SV2C: variants seen among roughly 807,000 people sequenced by gnomAD.
The protein encoded by SV2C is solute carrier family 22 member B3.
Under a neutral mutation model 79.7 loss-of-function variants are expected in SV2C, and 49 were observed. The ratio of observed to expected loss-of-function variants is 0.61; its 90% CI spans 0.49 to 0.78. The LOEUF (loss-of-function observed/expected upper bound fraction) is 0.78. Among genes scored for constraint, SV2C ranks in the 30% least tolerant of loss-of-function variants. The pLI is 0.00. For missense variants in SV2C, 833 were observed against 912.9 expected, an observed-to-expected ratio of 0.91 and a Z score of 1.13; for synonymous variants, 334 against 333.2, an observed-to-expected ratio of 1.00 and a Z score of -0.03.
the SV2C span, among the ~76,000 whole-genome samples, chr5:76,013,105 A>G: frequency 2.0e-5 from 3 of 152,192 alleles, no homozygotes; most frequent in Non-Finnish European, 4.4e-5. Flanking sequence ...TTTTGGTTCC[A>G]TATGAAATGT....
At chr5:75,907,547 A>T in the SV2C span, among the ~76,000 whole-genome samples, 1 of 152,180 alleles carries the variant, frequency 6.6e-6, no homozygotes, top group African/African-American at 2.4e-5. Context: ...AGAAGAGCCC[A>T]TGAGAGAGAG....
intron 7 of SV2C, 94 bp from the exon 8 acceptor site, chr5:76,291,674 C>A: frequency 2.4e-6 from 2 of 829,656 alleles, no homozygotes; most frequent in Non-Finnish European, 3.8e-6. Flanking sequence ...AACCCAATGA[C>A]AACTCAGCAT....
At chr5:75,848,895 C>T in the SV2C span, among the ~76,000 whole-genome samples, 1 of 152,180 alleles carries the variant, frequency 6.6e-6, no homozygotes, top group Non-Finnish European at 1.5e-5. Context: ...ATCTGACTTT[C>T]CTTATCTGCA....
chr5:75,944,691 C>T, the SV2C span, among the ~76,000 whole-genome samples: 1 of 152,132 alleles, frequency 6.6e-6, no homozygotes, highest in African/African-American at 2.4e-5. Context: ...TCAGCAAGTG[C>T]TGACAGAAGA....
the SV2C span, among the ~76,000 whole-genome samples, chr5:75,879,861 G>T: frequency 6.6e-6 from 1 of 152,144 alleles, no homozygotes; most frequent in Non-Finnish European, 1.5e-5. Context: ...CTTCTGCCTG[G>T]GCACCCAGGC....
At chr5:76,315,311 AT>A (rs1179056610) in intron 12 of SV2C, among the ~76,000 whole-genome samples, 8 of 151,822 alleles carry the variant, frequency 5.3e-5, no homozygotes, top group Non-Finnish European at 1.2e-4. Flanking sequence ...TATGAAATTC[AT>A]TTTTTCTCTC....
chr5:75,944,381 T>C, the SV2C span, among the ~76,000 whole-genome samples: 1 of 152,178 alleles, frequency 6.6e-6, no homozygotes, highest in Non-Finnish European at 1.5e-5. Context: ...ATATGCATGT[T>C]AGCAAGCTAA....
chr5:76,222,542 T>A (rs1293896370), intron 4 of SV2C, among the ~76,000 whole-genome samples: 3 of 151,738 alleles, frequency 2.0e-5, no homozygotes, highest in East Asian at 3.9e-4. Flanking sequence ...GTTTTCAATA[T>A]GGTTATGTGA....
the SV2C span, among the ~76,000 whole-genome samples, chr5:75,978,830 C>T: frequency 2.2e-4 from 33 of 151,966 alleles, no homozygotes; most frequent in Admixed American, 4.6e-4. Flanking sequence ...TGCAGTGGCT[C>T]ATACCTGTAA....
chr5:76,080,133 G>A (rs1368761294), upstream of SV2C, among the ~76,000 whole-genome samples: 1 of 151,618 alleles, frequency 6.6e-6, no homozygotes, highest in Admixed American at 6.6e-5. Flanking sequence ...TTGTTCTGGA[G>A]GGAAGTTCTT....
rs141631317 is a variant in SV2C, at chr5:76,319,508, C to T, written c.2001-5856C>T. Among the ~76,000 whole-genome samples the T allele has an allele frequency of 2.2e-3, 340 of 152,316 alleles. 1 individual carries two copies. Among genetic ancestry groups the T allele is most frequent in the African/African-American group, 7.5e-3 (313 of 41,562 alleles). ...TACTTTTCCAAGGAAAGGGTAGTCA[C>T]GTTTTCTTGAATGCCGACACTAATT... On this transcript the variant is annotated intron_variant, in intron 12 of 12. Coordinates refer to ENST00000502798, the MANE Select transcript of SV2C (RefSeq NM_014979.4).
At chr5:76,281,068 T>G (rs1041423090) in intron 4 of SV2C, 8 of 542,012 alleles carry the variant, frequency 1.5e-5, no homozygotes, top group Non-Finnish European at 2.6e-5. Context: ...GTTAAGTAAC[T>G]TAGCACGTGT....
Position 76,295,840 on chromosome 5 carries a change from C to T in SV2C, c.1400C>T (p.Ala467Val). The change falls in exon 9 of 13, where the codon GCA (alanine) becomes GTA (valine). Residue 467 changes from alanine to valine, a missense_variant. Ala to Val is a moderately conservative substitution (Grantham distance 64). Coordinates refer to ENST00000502798, the MANE Select transcript of SV2C (RefSeq NM_014979.4). Reference sequence around the variant, plus strand: ...AAACCTCTGCAGTCCGATGAATATGCATTGCTAACCAGAAATGTGGAGAGA... The same window carrying T: ...AAACCTCTGCAGTCCGATGAATATGTATTGCTAACCAGAAATGTGGAGAGA... ...VIKPLQSDEY[A>V]LLTRNVERDK... The T allele has an allele frequency of 6.2e-7, 1 of 1,613,444 alleles. No homozygotes were observed. The highest frequency in any genetic ancestry group is 2.2e-5 in the East Asian group (1 of 44,850).
At chr5:76,127,466 GTTGT>G (rs1452620603) in intron 1 of SV2C, among the ~76,000 whole-genome samples, 2 of 152,186 alleles carry the variant, frequency 1.3e-5, no homozygotes, top group Non-Finnish European at 2.9e-5. Context: ...CGCTGTGAAC[GTTGT>G]TTGGTTTAAC....
the SV2C span, among the ~76,000 whole-genome samples, chr5:75,851,862 A>G: frequency 6.6e-6 from 1 of 152,150 alleles, no homozygotes; most frequent in Non-Finnish European, 1.5e-5. Flanking sequence ...ACAGGGTTTC[A>G]CCGTCTTAGC....
At chr5:75,854,023 T>G in the SV2C span, among the ~76,000 whole-genome samples, 2 of 151,822 alleles carry the variant, frequency 1.3e-5, no homozygotes, top group South Asian at 2.1e-4. Flanking sequence ...CTCCTCTTGT[T>G]CCTTTGGAGT....
intron 4 of SV2C, among the ~76,000 whole-genome samples, chr5:76,244,986 A>C (rs1277894135): frequency 6.6e-6 from 1 of 152,224 alleles, no homozygotes; most frequent in African/African-American, 2.4e-5. Context: ...CCTCTTCCTG[A>C]CAGGAACTGT....
chr5:76,344,501 G>A (rs866956259), intron 12 of SV2C, among the ~76,000 whole-genome samples: 53 of 152,182 alleles, frequency 3.5e-4, no homozygotes, highest in Non-Finnish European at 1.6e-4. Context: ...CGGAGGTCAG[G>A]AGTTTGAGAT....
chr5:76,101,922 G>A (rs1015576983), intron 1 of SV2C, among the ~76,000 whole-genome samples: 1 of 152,156 alleles, frequency 6.6e-6, no homozygotes, highest in Non-Finnish European at 1.5e-5. Flanking sequence ...CATTTGCAAG[G>A]TTCCCAACAC....
Sources: gnomAD v4.1 joint callset for allele counts (sites outside exome capture counted in the v4.1 genomes callset) on GRCh38, gnomAD v4.1.1 for gene constraint, MANE v1.5 for transcripts, NCBI Gene and HGNC (gene_info 2026-07-23, HGNC 2026-07-21) for gene names.